Variants in CGGBP1 observed in about 807,000 individuals in gnomAD.
CGGBP1 encodes the protein CGG triplet repeat-binding protein 1.
CGGBP1 carries 4 observed loss-of-function variants against 11.4 expected under a neutral mutation model. The ratio of observed to expected loss-of-function variants is 0.35; its 90% CI spans 0.17 to 0.80. The LOEUF (loss-of-function observed/expected upper bound fraction) is 0.80, where lower values mean the gene tolerates loss of function less well. Among genes scored for constraint, CGGBP1 ranks in the 30% least tolerant of loss-of-function variants. The pLI, the probability that CGGBP1 is intolerant of heterozygous loss-of-function variation, is 0.52. For synonymous variants in CGGBP1, 76 were observed against 74.1 expected (o/e 1.03, Z -0.13); for missense variants, 135 against 202.1 (o/e 0.67, Z 2.01).
At chr3:88,097,661 A>T (rs1704141864) in intron 2 of CGGBP1, among the ~76,000 whole-genome samples, 1 of 151,618 alleles carries the variant, frequency 6.6e-6, no homozygotes, top group African/African-American at 2.4e-5. Flanking sequence ...TCAAATTAGA[A>T]CTCAGGATTA....
At chr3:88,143,921 T>A (rs1707242170) in intron 1 of CGGBP1, 1 of 152,066 alleles carries the variant, frequency 6.6e-6, no homozygotes, top group Non-Finnish European at 1.5e-5. Flanking sequence ...TTTGCTTTTA[T>A]AGGGTGCATA....
intron 2 of CGGBP1, among the ~76,000 whole-genome samples, chr3:88,076,676 G>A (rs1483672022): frequency 3.3e-5 from 5 of 152,112 alleles, no homozygotes; most frequent in Admixed American, 1.3e-4. Context: ...TGATCTTCAT[G>A]TACTTCTTGT....
rs151062700 is a variant in CGGBP1, at chr3:88,105,924, C to T, written c.-229+35046G>A. ...CCTGCCCTCACAGGTGGGATTAATGCTGTTATAAAAGGGTGAATTTGGCCT... is the reference window on the plus strand; with the variant it reads ...CCTGCCCTCACAGGTGGGATTAATGTTGTTATAAAAGGGTGAATTTGGCCT... On this transcript the variant is annotated intron_variant, in intron 2 of 3. Coordinates refer to the CGGBP1 transcript ENST00000462901. 1.1e-4 allele frequency among the ~76,000 whole-genome samples: 16 copies of T among 152,288 alleles called. No individual in the cohort carries two copies. In the East Asian group the frequency reaches 1.9e-3, roughly 18 times the overall value.
At chr3:88,134,568 C>T (rs760010779) in intron 2 of CGGBP1, among the ~76,000 whole-genome samples, 9 of 151,940 alleles carry the variant, frequency 5.9e-5, no homozygotes, top group Non-Finnish European at 8.8e-5. Flanking sequence ...TTTAAAAGTA[C>T]GATATCTGAA....
At chr3:88,129,771 C>A in intron 2 of CGGBP1, 1 of 1,528,044 alleles carries the variant, frequency 6.5e-7, no homozygotes, top group East Asian at 2.5e-5. Context: ...AGCCTTGCAA[C>A]TCTGTGAATC....
At chr3:88,130,395 G>A (rs1324277773) in intron 2 of CGGBP1, among the ~76,000 whole-genome samples, 3 of 151,928 alleles carry the variant, frequency 2.0e-5, no homozygotes, top group African/African-American at 4.8e-5. Context: ...TAAATTAATA[G>A]CTTGAAGGCA....
intron 2 of CGGBP1, among the ~76,000 whole-genome samples, chr3:88,106,480 CAT>C (rs1370592631): frequency 3.9e-5 from 6 of 151,968 alleles, no homozygotes; most frequent in South Asian, 4.2e-4. Flanking sequence ...TGAGATTACA[CAT>C]GTGTGCAGCC....
intron 2 of CGGBP1, among the ~76,000 whole-genome samples, chr3:88,131,000 T>A (rs1057424084): frequency 1.3e-5 from 2 of 152,122 alleles, no homozygotes; most frequent in African/African-American, 2.4e-5. Context: ...TATGCAGCAC[T>A]TAATGATGGG....
At chr3:88,147,262 A>T (rs1181832285) in intron 1 of CGGBP1, among the ~76,000 whole-genome samples, 1 of 152,200 alleles carries the variant, frequency 6.6e-6, no homozygotes, top group Non-Finnish European at 1.5e-5. Flanking sequence ...AAATGCATAA[A>T]TAAGCATGGT....
At position 88,052,616 on chromosome 3, in the gene CGGBP1, C is replaced by T. The variant is rs150704989; in HGVS notation, c.*2857G>A. 1.2e-4 allele frequency: 18 copies of T among 152,572 alleles called. No homozygotes were observed. Among genetic ancestry groups the T allele is most frequent in the Non-Finnish European group, 2.1e-4 (14 of 68,008 alleles). 9.5% of individuals were successfully genotyped at this position (152,572 alleles called of 1,614,324 possible). A position where few individuals can be genotyped will look rare whatever the true frequency, so the allele number is the denominator to read the frequency against. On this transcript the variant is annotated 3_prime_UTR_variant, in exon 4 of 4. Transcript: ENST00000482016. ...AAGCAATTGATACTTTCAGAACAAT[C>T]TCAAGCTTAATTGGTTACCATTATA...
chr3:88,060,633 A>G (rs1706819529), upstream of CGGBP1, among the ~76,000 whole-genome samples: 1 of 152,196 alleles, frequency 6.6e-6, no homozygotes, highest in South Asian at 2.1e-4. Context: ...CCTTCTGTCA[A>G]AGAGGAGTAA....
intron 2 of CGGBP1, among the ~76,000 whole-genome samples, chr3:88,083,142 T>C (rs1559697918): frequency 6.6e-6 from 1 of 152,070 alleles, no homozygotes; most frequent in Non-Finnish European, 1.5e-5. Context: ...CATTTAAACT[T>C]AATTACTTCC....
In CGGBP1 at chr3:88,103,082, G is replaced by T. The variant is rs186262387; in HGVS notation, c.-229+37888C>A. Among the ~76,000 whole-genome samples the T allele has an allele frequency of 2.2e-3, 329 of 151,990 alleles. 2 individuals are homozygous for T. The highest frequency in any genetic ancestry group is 0.018 in the South Asian group (86 of 4,818). ...TATAAGTGAGCACATGTGTTATTTGGTTTTCTGTTCATGCGTTAATTCACT... is the reference window on the plus strand; with the variant it reads ...TATAAGTGAGCACATGTGTTATTTGTTTTTCTGTTCATGCGTTAATTCACT... On this transcript the variant is annotated intron_variant, in intron 2 of 3. Coordinates refer to the CGGBP1 transcript ENST00000462901.
At chr3:88,056,144 C>G (rs1001005464) in intron 3 of CGGBP1, 145 bp from the exon 4 acceptor site, 22 of 603,942 alleles carry the variant, frequency 3.6e-5, no homozygotes, top group Non-Finnish European at 5.2e-5. Flanking sequence ...TTAATCTTAA[C>G]TTACCTGAAA....
intron 2 of CGGBP1, among the ~76,000 whole-genome samples, chr3:88,124,050 G>T (rs183507551): frequency 9.5e-4 from 144 of 152,200 alleles, no homozygotes; most frequent in Non-Finnish European, 1.5e-3. Context: ...GCTTTAACAT[G>T]GTGACATGTG....
upstream of CGGBP1, among the ~76,000 whole-genome samples, chr3:88,062,307 GA>G (rs1706930355): frequency 6.6e-6 from 1 of 152,170 alleles, no homozygotes; most frequent in Non-Finnish European, 1.5e-5. Flanking sequence ...CCATTATGTA[GA>G]CATGCTGGGA....
chr3:88,108,245 T>C (rs894401724), intron 2 of CGGBP1, among the ~76,000 whole-genome samples: 2 of 151,878 alleles, frequency 1.3e-5, no homozygotes, highest in African/African-American at 4.8e-5. Flanking sequence ...AAGTTCACAC[T>C]GGCAGTTTTC....
intron 2 of CGGBP1, among the ~76,000 whole-genome samples, chr3:88,100,377 A>T (rs1484915855): frequency 6.6e-6 from 1 of 152,194 alleles, no homozygotes; most frequent in East Asian, 1.9e-4. Context: ...TGTTGGTGGG[A>T]CTGTAAACTA....
chr3:88,084,169 A>T (rs1387641252), intron 2 of CGGBP1, among the ~76,000 whole-genome samples: 1 of 152,176 alleles, frequency 6.6e-6, no homozygotes, highest in Non-Finnish European at 1.5e-5. Context: ...TAGACTAGGC[A>T]AATACATTGG....
Sources: gnomAD v4.1 joint callset for allele counts (sites outside exome capture counted in the v4.1 genomes callset) on GRCh38, gnomAD v4.1.1 for gene constraint, MANE v1.5 for transcripts, NCBI Gene and HGNC (gene_info 2026-07-23, HGNC 2026-07-21) for gene names.